PDE10A: variants seen among roughly 807,000 people sequenced by gnomAD.
The protein encoded by PDE10A is cAMP and cAMP-inhibited cGMP 3',5'-cyclic phosphodiesterase 10A.
Under a neutral mutation model 97.7 loss-of-function variants are expected in PDE10A, and 39 were observed. That is an observed-to-expected ratio of 0.40 (90% confidence interval 0.31 to 0.52). The LOEUF is 0.52. Among genes scored for constraint, PDE10A ranks in the 20% least tolerant of loss-of-function variants. PDE10A has a pLI of 0.56. For synonymous variants in PDE10A, 371 were observed against 376.8 expected (o/e 0.98, Z 0.18); for missense variants, 731 against 1,047.8 (o/e 0.70, Z 4.17).
At chr6:165,516,976 C>T (rs1190563584) in intron 2 of PDE10A, among the ~76,000 whole-genome samples, 1 of 151,906 alleles carries the variant, frequency 6.6e-6, no homozygotes, top group Non-Finnish European at 1.5e-5. Context: ...ACATAATGTG[C>T]TAAAAAGTAC....
rs113243540 is a variant in PDE10A at position 165,862,881 on chromosome 6, T to G, written c.-615+124648A>C. On this transcript the variant is annotated intron_variant, in intron 1 of 19. Coordinates refer to the PDE10A transcript ENST00000366882. ...TTTTAGTACAGATGGGATTTTACCC[T>G]GTTGGCCAGGCTGGTCTCGAACTCC... Among the ~76,000 whole-genome samples, 578 of 152,278 alleles carry G rather than the reference T, an allele frequency of 3.8e-3. 3 individuals are homozygous for G. The highest frequency in any genetic ancestry group is 0.013 in the African/African-American group (534 of 41,574).
At chr6:165,345,766 A>G (rs577145156) in intron 18 of PDE10A, among the ~76,000 whole-genome samples, 2 of 152,390 alleles carry the variant, frequency 1.3e-5, no homozygotes, top group South Asian at 4.1e-4. Context: ...TCTGGCAGTT[A>G]CAGCAAAGAA....
intron 2 of PDE10A, among the ~76,000 whole-genome samples, chr6:165,540,654 T>G (rs1054764893): frequency 2.0e-5 from 3 of 150,990 alleles, no homozygotes; most frequent in African/African-American, 5.0e-5. Flanking sequence ...TTTTTGTTTG[T>G]TTGGTTGCTC....
intron 1 of PDE10A, among the ~76,000 whole-genome samples, chr6:165,596,683 T>C (rs1786615802): frequency 6.6e-6 from 1 of 152,202 alleles, no homozygotes; most frequent in South Asian, 2.1e-4. Flanking sequence ...GTAGCCATGA[T>C]TGTACCACTG....
At chr6:165,780,518 G>A (rs1235494874) in intron 1 of PDE10A, 1 of 152,212 alleles carries the variant, frequency 6.6e-6, no homozygotes, top group East Asian at 1.9e-4. Flanking sequence ...TGCTCCATTA[G>A]ACCCTGTGTT....
intron 3 of PDE10A, among the ~76,000 whole-genome samples, chr6:165,465,955 T>C (rs535013916): frequency 7.0e-6 from 1 of 143,180 alleles, no homozygotes; most frequent in Non-Finnish European, 1.6e-5. Flanking sequence ...GAGGAAGTAC[T>C]AAAAGAGAGG....
At chr6:165,669,317 A>G (rs1015228089) in intron 1 of PDE10A, among the ~76,000 whole-genome samples, 7 of 152,214 alleles carry the variant, frequency 4.6e-5, no homozygotes, top group African/African-American at 1.7e-4. Context: ...GACGAGCAGC[A>G]TATCTTCCAT....
At chr6:165,733,147 G>GA (rs1792481688) in intron 1 of PDE10A, among the ~76,000 whole-genome samples, 1 of 152,198 alleles carries the variant, frequency 6.6e-6, no homozygotes, top group Non-Finnish European at 1.5e-5. Flanking sequence ...TTCTGGCTCA[G>GA]TGATCCTAGT....
intron 2 of PDE10A, among the ~76,000 whole-genome samples, chr6:165,499,931 G>C (rs541088806): frequency 5.7e-4 from 86 of 152,170 alleles, no homozygotes; most frequent in Non-Finnish European, 1.1e-3. Context: ...TAAAATTTAA[G>C]GGGATTTCCT....
At chr6:165,739,169 G>T (rs1792655963) in intron 1 of PDE10A, among the ~76,000 whole-genome samples, 1 of 152,130 alleles carries the variant, frequency 6.6e-6, no homozygotes, top group Non-Finnish European at 1.5e-5. Flanking sequence ...ACAGGACCCT[G>T]GATAGTCAAA....
intron 1 of PDE10A, among the ~76,000 whole-genome samples, chr6:165,620,554 A>T (rs1469069687): frequency 6.6e-6 from 1 of 151,070 alleles, no homozygotes; most frequent in Non-Finnish European, 1.5e-5. Context: ...AGGCTAAGGG[A>T]AGAGAGAAAA....
chr6:165,921,072 A>T (rs1782739661), intron 1 of PDE10A, among the ~76,000 whole-genome samples: 1 of 152,166 alleles, frequency 6.6e-6, no homozygotes. Context: ...TGAGGGATGG[A>T]AGGGCTGAAT....
chr6:165,921,812 T>C (rs1322072396), intron 1 of PDE10A, among the ~76,000 whole-genome samples: 1 of 152,160 alleles, frequency 6.6e-6, no homozygotes, highest in Non-Finnish European at 1.5e-5. Context: ...TAGGGTCTTG[T>C]GGGCTCTTGA....
intron 2 of PDE10A, among the ~76,000 whole-genome samples, chr6:165,515,023 T>C (rs1429116094): frequency 6.6e-6 from 1 of 152,194 alleles, no homozygotes; most frequent in African/African-American, 2.4e-5. Flanking sequence ...GCAGCAATTT[T>C]CAATGTGTAG....
At chr6:165,932,213 T>C (rs1783157771) in intron 1 of PDE10A, among the ~76,000 whole-genome samples, 1 of 152,218 alleles carries the variant, frequency 6.6e-6, no homozygotes, top group Non-Finnish European at 1.5e-5. Flanking sequence ...AGTCTAGGAA[T>C]GGCACCGGCA....
At chr6:165,676,349 C>T (rs774315261) in intron 1 of PDE10A, among the ~76,000 whole-genome samples, 8 of 152,314 alleles carry the variant, frequency 5.3e-5, no homozygotes, top group South Asian at 2.1e-4. Flanking sequence ...TTCCATGTAA[C>T]ATAACTGCAC....
intron 1 of PDE10A, among the ~76,000 whole-genome samples, chr6:165,798,094 T>C (rs1222638244): frequency 6.6e-6 from 1 of 152,254 alleles, no homozygotes; most frequent in Non-Finnish European, 1.5e-5. Context: ...CATACTTGAA[T>C]ATATTTAATA....
chr6:165,530,792 G>A (rs693437), intron 2 of PDE10A, among the ~76,000 whole-genome samples: 105,157 of 152,102 alleles, frequency 0.69, 39,675 homozygotes, highest in Non-Finnish European at 0.83. Flanking sequence ...CAAACCATCA[G>A]ATAAGTGTGC....
chr6:165,960,260 A>G (rs61080678), intron 1 of PDE10A, among the ~76,000 whole-genome samples: 10,919 of 152,292 alleles, frequency 0.072, 1,020 homozygotes, highest in African/African-American at 0.22. Context: ...CAAAGATCAA[A>G]TTAATGTGGT....
Sources: allele counts gnomAD v4.1 joint callset (sites outside exome capture counted in the v4.1 genomes callset), GRCh38; gene constraint gnomAD v4.1.1; transcripts MANE v1.5; gene names NCBI Gene and HGNC (gene_info 2026-07-23, HGNC 2026-07-21).